Variants in WDR70 observed in about 807,000 individuals in gnomAD.
WDR70 encodes WD repeat domain 70.
Under a neutral mutation model 88.6 loss-of-function variants are expected in WDR70, and 53 were observed. The ratio of observed to expected loss-of-function variants is 0.60; its 90% CI spans 0.48 to 0.75. The LOEUF (loss-of-function observed/expected upper bound fraction) is 0.75. Ranked by LOEUF, WDR70 falls within the 30% of genes least tolerant of loss-of-function variation. The pLI is 0.00. For synonymous variants in WDR70, 280 were observed against 270.0 expected (o/e 1.04, Z -0.36); for missense variants, 610 against 823.2 (o/e 0.74, Z 3.17).
At chr5:37,612,094 C>A (rs9292661) in intron 10 of WDR70, among the ~76,000 whole-genome samples, 16,292 of 151,998 alleles carry the variant, frequency 0.11, 2,809 homozygotes, top group African/African-American at 0.36. Flanking sequence ...GGTATTCACT[C>A]TAAGGAGAGG....
chr5:37,642,974 G>A (rs2112545082), intron 10 of WDR70, among the ~76,000 whole-genome samples: 1 of 151,998 alleles, frequency 6.6e-6, no homozygotes, highest in Non-Finnish European at 1.5e-5. Flanking sequence ...TCTTTGCTTT[G>A]CAGAAGATTT....
At chr5:37,422,490 A>T (rs9292653) in intron 5 of WDR70, among the ~76,000 whole-genome samples, 138,512 of 151,692 alleles carry the variant, frequency 0.91, 64,487 homozygotes, top group East Asian at 1. Context: ...ATTTATATAT[A>T]TTTTTTAGAC....
chr5:37,382,561 G>A (rs1348757292), intron 3 of WDR70, among the ~76,000 whole-genome samples: 5 of 151,920 alleles, frequency 3.3e-5, no homozygotes, highest in African/African-American at 1.2e-4. Context: ...ACAGGTGTAC[G>A]CCACCACGCC....
At chr5:37,446,367 A>G (rs1172002090) in intron 7 of WDR70, among the ~76,000 whole-genome samples, 1 of 152,206 alleles carries the variant, frequency 6.6e-6, no homozygotes, top group African/African-American at 2.4e-5. Flanking sequence ...ATACTGCCCA[A>G]GGTAATTTAT....
At chr5:37,636,731 A>G (rs1321887196) in intron 10 of WDR70, among the ~76,000 whole-genome samples, 1 of 152,196 alleles carries the variant, frequency 6.6e-6, no homozygotes, top group African/African-American at 2.4e-5. Context: ...GGGAGTCTGT[A>G]AAATAACTGG....
rs534338072 is a variant in WDR70 at position 37,659,404 on chromosome 5, GT to G, written c.1093-38246del. On this transcript the variant is annotated intron_variant, in intron 10 of 17. Transcript: ENST00000265107. Reference sequence around the variant, plus strand: ...TCAGTTTCCAATAGATTTTGTTCCTGTTTTTCTATTTTTTTTATTTCTACTG... The same window carrying G: ...TCAGTTTCCAATAGATTTTGTTCCTGTTTTCTATTTTTTTTATTTCTACTG... 1.3e-3 allele frequency among the ~76,000 whole-genome samples: 199 copies of G among 151,432 alleles called. 3 individuals carry two copies. Among genetic ancestry groups the G allele is most frequent in the African/African-American group, 4.6e-3 (191 of 41,334 alleles).
intron 7 of WDR70, among the ~76,000 whole-genome samples, chr5:37,454,940 G>A (rs1349808590): frequency 6.6e-6 from 1 of 152,140 alleles, no homozygotes; most frequent in African/African-American, 2.4e-5. Flanking sequence ...TTCCTTGCCT[G>A]TAAAATAGAA....
chr5:37,599,634 A>G (rs1561917513), intron 9 of WDR70, among the ~76,000 whole-genome samples: 1 of 152,092 alleles, frequency 6.6e-6, no homozygotes. Context: ...GCTCACGCCT[A>G]TAATCTCAGC....
chr5:37,554,678 G>GCACACACACACACACACA (rs3068425), intron 9 of WDR70, among the ~76,000 whole-genome samples: 3 of 147,670 alleles, frequency 2.0e-5, no homozygotes, highest in African/African-American at 5.0e-5. Flanking sequence ...GCACCTGCAC[G>GCACACACACACACACACA]CACACACACA....
At chr5:37,449,618 T>A (rs1012962713) in intron 7 of WDR70, among the ~76,000 whole-genome samples, 2,794 of 105,294 alleles carry the variant, frequency 0.027, 146 homozygotes, top group African/African-American at 0.079. Flanking sequence ...AAATAAAAAA[T>A]AAATAAATAA....
At chr5:37,652,848 G>A (rs1315793872) in intron 10 of WDR70, among the ~76,000 whole-genome samples, 9 of 152,172 alleles carry the variant, frequency 5.9e-5, no homozygotes, top group African/African-American at 2.2e-4. Flanking sequence ...GGGCTGAGAT[G>A]ATGGGGTTTT....
chr5:37,547,659 A>G (rs977189344), intron 9 of WDR70, among the ~76,000 whole-genome samples: 2 of 152,134 alleles, frequency 1.3e-5, no homozygotes, highest in Non-Finnish European at 2.9e-5. Context: ...ATACTTTTTT[A>G]GTTTTCTTAA....
intron 7 of WDR70, among the ~76,000 whole-genome samples, chr5:37,460,733 A>T (rs1344602428): frequency 1.3e-5 from 2 of 151,642 alleles, no homozygotes; most frequent in South Asian, 2.1e-4. Context: ...TAAAAACAAA[A>T]AGAAAACAGC....
intron 10 of WDR70, among the ~76,000 whole-genome samples, chr5:37,685,167 G>A (rs1010345485): frequency 6.6e-6 from 1 of 152,132 alleles, no homozygotes; most frequent in African/African-American, 2.4e-5. Flanking sequence ...GCCCACCAAG[G>A]CACTGACTGC....
At chr5:37,443,496 CTG>C (rs1561854214) in intron 7 of WDR70, 124 bp downstream of exon 7, 1 of 1,044,776 alleles carries the variant, frequency 9.6e-7, no homozygotes, top group African/African-American at 1.6e-5. Flanking sequence ...GTTTATATGA[CTG>C]TATACGGCCT....
chr5:37,499,114 CATT>C (rs1194337716), intron 8 of WDR70, among the ~76,000 whole-genome samples: 3 of 151,280 alleles, frequency 2.0e-5, no homozygotes, highest in Admixed American at 6.6e-5. Flanking sequence ...TCATGTTTGT[CATT>C]CTTTTTTTTT....
Position 37,516,645 on chromosome 5 carries a change from A to G in WDR70, c.917+55A>G, listed in dbSNP as rs1581355826. On this transcript the variant is annotated intron_variant, in intron 9 of 17. Transcript: ENST00000265107. ...ATTCATATCTTTAGGTATTTTATTT[A>G]ACGTTTGGATTGTTACAATCTTGGC... 3.9e-5 allele frequency: 49 copies of G among 1,269,036 alleles called. 1 individual carries two copies. The East Asian group carries it at 1.2e-3, about 31-fold the overall frequency. The allele number at this position is 1,269,036 out of a possible 1,614,324, so 78.6% of individuals were successfully genotyped here.
chr5:37,590,057 A>G (rs1743486208), intron 9 of WDR70, among the ~76,000 whole-genome samples: 1 of 152,130 alleles, frequency 6.6e-6, no homozygotes, highest in Admixed American at 6.5e-5. Context: ...CATTTGATCA[A>G]CTTCCTTATC....
chr5:37,645,809 T>A (rs761036713), intron 10 of WDR70, among the ~76,000 whole-genome samples: 1 of 152,126 alleles, frequency 6.6e-6, no homozygotes, highest in Non-Finnish European at 1.5e-5. Flanking sequence ...TTTTGGTTTC[T>A]ATTGGCATGG....
Sources: gnomAD v4.1 joint callset for allele counts (sites outside exome capture counted in the v4.1 genomes callset) on GRCh38, gnomAD v4.1.1 for gene constraint, MANE v1.5 for transcripts, NCBI Gene and HGNC (gene_info 2026-07-23, HGNC 2026-07-21) for gene names.